The following RP1L1 variants were observed in gnomAD, a reference collection of about 807,000 sequenced individuals.
RP1L1 encodes retinitis pigmentosa 1-like 1 protein.
In RP1L1, 27 loss-of-function variants were observed where a neutral mutation model predicts 15.7. The observed-to-expected ratio is 1.72, with a 90% CI of 1.27 to 2.38. The LOEUF is 2.38. Ranked by LOEUF, RP1L1 falls within the 30% of genes most tolerant of loss-of-function variation. The probability of loss-of-function intolerance (pLI) is 0.00; values close to 1 mark genes in which losing one functional copy is unlikely to be tolerated. For synonymous variants in RP1L1, 1,813 were observed against 1,276.7 expected, an observed-to-expected ratio of 1.42 and a Z score of -8.96; for missense variants, 4,798 against 3,075.9, an observed-to-expected ratio of 1.56 and a Z score of -13.24.
rs1392805619 is a variant in RP1L1, at chr8:10,622,836, T to C, written c.366A>G (p.Arg122=). 6.2e-6 allele frequency: 10 copies of C among 1,613,208 alleles called. No homozygotes were observed. The highest frequency in any genetic ancestry group is 5.5e-5 in the South Asian group (5 of 91,036). Residue 122 remains arginine, a synonymous_variant, in exon 2 of 4, where the codon AGA becomes AGG. Transcript: ENST00000382483. ...TPSGPGRPQE[R]NPTAQQLRDV... The stretch of plus-strand genomic sequence containing the variant: ...CCCGCAACTGCTGAGCAGTGGGGTT[T>C]CTCTCCTGTGGCCGGCCTGGTCCAC...
rs780204914 is a variant in RP1L1, at chr8:10,608,975, A to C, written c.5123T>G (p.Val1708Gly). 4 of 1,612,820 alleles carry C rather than the reference A, an allele frequency of 2.5e-6. No homozygotes were observed. The highest frequency in any genetic ancestry group is 3.4e-6 in the Non-Finnish European group (4 of 1,179,116). The change falls in exon 4 of 4, where the codon GTG becomes GGG. Residue 1708 changes from valine to glycine, a missense_variant. Coordinates refer to ENST00000382483, the MANE Select transcript of RP1L1 (RefSeq NM_178857.6). ...GTCCGTGTGGGTCTTGCCAGGGGCC[A>C]CCTCTGCTGCCTCCCCATCAGTGTG... The part of the protein sequence containing the change: ...GEHTDGEAAE[V>G]APGKTHTDPT...
chr8:10,629,386 A>G (rs1162696196), intron 1 of RP1L1, among the ~76,000 whole-genome samples: 1 of 152,192 alleles, frequency 6.6e-6, no homozygotes, highest in Non-Finnish European at 1.5e-5. Flanking sequence ...AGCAAAGAAC[A>G]TCAAGACGAA....
intron 2 of RP1L1, among the ~76,000 whole-genome samples, chr8:10,618,550 G>C (rs1265171865): frequency 6.6e-6 from 1 of 151,944 alleles, no homozygotes; most frequent in Non-Finnish European, 1.5e-5. Flanking sequence ...AAATTAGCCA[G>C]GCATAGTGGC....
At position 10,606,966 on chromosome 8, in the gene RP1L1, G is replaced by A. The variant is rs554228490; in HGVS notation, c.7132C>T (p.Leu2378Phe). Residue 2378 changes from leucine (L) to phenylalanine (F), a missense_variant, in exon 4 of 4, where the codon CTC becomes TTC. Coordinates refer to ENST00000382483, the MANE Select transcript of RP1L1 (RefSeq NM_178857.6). ...EGYDLQEDQA[L>F]GSLAPTEAVG... Reference sequence around the variant, plus strand: ...GCCTCAGTGGGGGCGAGACTTCCGAGTGCCTGGTCCTCTTGTAGGTCATAA... The same window carrying A: ...GCCTCAGTGGGGGCGAGACTTCCGAATGCCTGGTCCTCTTGTAGGTCATAA... The A allele has an allele frequency of 2.0e-5, 33 of 1,614,218 alleles. No homozygotes were observed. Among genetic ancestry groups the A allele is most frequent in the Middle Eastern group, 1.6e-4 (1 of 6,062 alleles).
rs748580769 is a variant in RP1L1 at position 10,612,935 on chromosome 8, C to G, written c.1163G>C (p.Arg388Thr). 1 of 1,612,596 alleles carries G rather than the reference C, an allele frequency of 6.2e-7. No homozygotes were observed. The highest frequency in any genetic ancestry group is 2.2e-5 in the East Asian group (1 of 44,828). Reference sequence around the variant, plus strand: ...GCCAAAGACTTCCCTGCATCCCACCCTGCAGGGCCGGGGTCCCCACACCCC... The same window carrying G: ...GCCAAAGACTTCCCTGCATCCCACCGTGCAGGGCCGGGGTCCCCACACCCC... ...EPGVWGPRPC[R>T]VGCREVFGRG... The change falls in exon 4 of 4, where the codon AGG becomes ACG. Residue 388 changes from arginine (R) to threonine (T), a missense_variant. By Grantham distance (71) the Arg-to-Thr change is moderately conservative. Coordinates refer to ENST00000382483, the MANE Select transcript of RP1L1 (RefSeq NM_178857.6).
intron 2 of RP1L1, among the ~76,000 whole-genome samples, chr8:10,619,801 C>T (rs981772333): frequency 6.6e-6 from 1 of 151,504 alleles, no homozygotes; most frequent in Non-Finnish European, 1.5e-5. Flanking sequence ...ACAACAACAA[C>T]AAAAAAACAT....
At chr8:10,617,417 A>G (rs866972801) in intron 2 of RP1L1, among the ~76,000 whole-genome samples, 78 of 150,154 alleles carry the variant, frequency 5.2e-4, no homozygotes, top group Non-Finnish European at 1.1e-3. Flanking sequence ...AAAAAAAAAA[A>G]AAAAGAAAAA....
Position 10,607,950 on chromosome 8 carries a change from G to A in RP1L1, c.6148C>T (p.Pro2050Ser), listed in dbSNP as rs562631723. ...ETQKTEGDAQ[P>S]ESDGVEAPEA... ...GGGGCCTCTACACCGTCTGACTCTG[G>A]CTGGGCATCCCCTTCTGTCTTCTGG... Residue 2050 changes from proline (P) to serine (S), a missense_variant, in exon 4 of 4, where the codon CCA becomes TCA. Transcript: ENST00000382483. The A allele has an allele frequency of 1.1e-5, 18 of 1,610,366 alleles. No homozygotes were observed. In the African/African-American group the frequency reaches 2.5e-4, roughly 22 times the overall value.
intron 1 of RP1L1, among the ~76,000 whole-genome samples, chr8:10,645,318 C>A (rs1798460861): frequency 6.6e-6 from 1 of 151,984 alleles, no homozygotes; most frequent in African/African-American, 2.4e-5. Context: ...CAGAGTGAGA[C>A]CCTGTAACAA....
intron 1 of RP1L1, among the ~76,000 whole-genome samples, chr8:10,644,390 C>T (rs1449310326): frequency 1.3e-5 from 2 of 152,090 alleles, no homozygotes; most frequent in African/African-American, 4.8e-5. Context: ...ACAGCAGCCC[C>T]AGCTGACCTT....
In RP1L1 at chr8:10,608,641, C is replaced by T. The variant is rs570098820; in HGVS notation, c.5457G>A (p.Ala1819=). ...GHEDNLQGEA[A]AGGDQDPGQS... Reference sequence around the variant, plus strand: ...GTCCTGGATCTTGGTCACCTCCTGCCGCAGCTTCACCCTGCAAGTTGTCCT... The same window carrying T: ...GTCCTGGATCTTGGTCACCTCCTGCTGCAGCTTCACCCTGCAAGTTGTCCT... The change falls in exon 4 of 4, where the codon GCG becomes GCA. Residue 1819 remains alanine, a synonymous_variant. Coordinates refer to ENST00000382483, the MANE Select transcript of RP1L1 (RefSeq NM_178857.6). 1.5e-5 allele frequency: 24 copies of T among 1,614,206 alleles called. No homozygotes were observed. The East Asian group carries it at 1.8e-4, about 12-fold the overall frequency.
chr8:10,612,100 C>G lies in RP1L1; in HGVS notation c.1998G>C (p.Arg666Ser), dbSNP rs1469326153. The G allele has an allele frequency of 6.2e-7, 1 of 1,613,694 alleles. No homozygotes were observed. Among genetic ancestry groups the G allele is most frequent in the Non-Finnish European group, 8.5e-7 (1 of 1,180,052 alleles). Reference protein sequence around the residue: ...LGRVAPRGHPRHSHYRKDTHS... With the variant: ...LGRVAPRGHPSHSHYRKDTHS... Reference sequence around the variant, plus strand: ...GGGTGTCCTTGCGGTAGTGAGAATGCCTGGGATGGCCTCTCGGGGCCACTC... The same window carrying G: ...GGGTGTCCTTGCGGTAGTGAGAATGGCTGGGATGGCCTCTCGGGGCCACTC... Residue 666 changes from arginine (R) to serine (S), a missense_variant, in exon 4 of 4, where the codon AGG (arginine) becomes AGC (serine). Coordinates refer to ENST00000382483, the MANE Select transcript of RP1L1 (RefSeq NM_178857.6).
intron 1 of RP1L1, among the ~76,000 whole-genome samples, chr8:10,652,849 T>C (rs1414585059): frequency 6.6e-6 from 1 of 152,154 alleles, no homozygotes. Flanking sequence ...ACTATCACAG[T>C]GCCTAGTGGA....
rs753345500 is a variant in RP1L1 at position 10,616,540 on chromosome 8, A to T, written c.657T>A (p.Cys219Ter). The change falls in exon 3 of 4, where the codon TGT (cysteine) becomes TGA (stop). Residue 219 changes from cysteine (C) to a stop codon, truncating the protein, a stop_gained. Coordinates refer to ENST00000382483, the MANE Select transcript of RP1L1 (RefSeq NM_178857.6). LOFTEE classifies it high-confidence loss of function. ...ALLHSPSVLV[C>*]AGHEAFRTPA... ...GGGTTCTGAAGGCCTCATGCCCGGC[A>T]CACACCAGCACAGAGGGGCTGTGCA... The T allele has an allele frequency of 6.2e-7, 1 of 1,614,064 alleles. No individual in the cohort carries two copies. The highest frequency in any genetic ancestry group is 8.5e-7 in the Non-Finnish European group (1 of 1,180,030).
chr8:10,640,711 G>C (rs1798394406), intron 1 of RP1L1, among the ~76,000 whole-genome samples: 1 of 151,592 alleles, frequency 6.6e-6, no homozygotes, highest in Admixed American at 6.6e-5. Flanking sequence ...TCATCTATAA[G>C]GTGTAGGAAA....
chr8:10,620,714 T>C (rs558470847), intron 2 of RP1L1, among the ~76,000 whole-genome samples: 159 of 152,268 alleles, frequency 1.0e-3, no homozygotes, highest in African/African-American at 3.7e-3. Flanking sequence ...AACAAGGAAG[T>C]TCTGTGTTGG....
rs533928275 is a variant in RP1L1, at chr8:10,624,472, G to T, written c.-19-1252C>A. 3.9e-3 allele frequency among the ~76,000 whole-genome samples: 601 copies of T among 152,336 alleles called. 2 individuals are homozygous for T. The highest frequency in any genetic ancestry group is 0.014 in the African/African-American group (581 of 41,568). On this transcript the variant is annotated intron_variant, in intron 1 of 3. Coordinates refer to ENST00000382483, the MANE Select transcript of RP1L1 (RefSeq NM_178857.6). ...GCAGGTCAAGGAAGTCCTCCTGGAG[G>T]AGGTGATGCAGAGACTCCTGAGCTG... is the stretch of plus-strand genomic sequence containing the variant.
chr8:10,630,925 T>C (rs2117240662), intron 1 of RP1L1, among the ~76,000 whole-genome samples: 1 of 152,212 alleles, frequency 6.6e-6, no homozygotes, highest in East Asian at 1.9e-4. Context: ...CAGCTGGGCT[T>C]GTGGGGGCTG....
chr8:10,613,776 C>G (rs1016184503), intron 3 of RP1L1, among the ~76,000 whole-genome samples: 1 of 151,238 alleles, frequency 6.6e-6, no homozygotes, highest in African/African-American at 2.4e-5. Context: ...GATGACAGAG[C>G]AAGACCATTA....
Sources: gnomAD v4.1 joint callset for allele counts (sites outside exome capture counted in the v4.1 genomes callset) on GRCh38, gnomAD v4.1.1 for gene constraint, MANE v1.5 for transcripts, NCBI Gene and HGNC (gene_info 2026-07-23, HGNC 2026-07-21) for gene names.